Variants in ZFHX3 observed in about 807,000 individuals in gnomAD.
ZFHX3 encodes zinc finger homeobox 3, also known as zinc finger homeobox protein 3.
ZFHX3 carries 42 observed loss-of-function variants against 279.1 expected under a neutral mutation model. That is an observed-to-expected ratio of 0.15 (90% CI 0.12 to 0.19). The LOEUF (loss-of-function observed/expected upper bound fraction) is 0.19, where lower values mean the gene tolerates loss of function less well. Among genes scored for constraint, ZFHX3 ranks in the 10% least tolerant of loss-of-function variants. ZFHX3 has a pLI of 1.00. For missense variants in ZFHX3, 4,981 were observed against 4,754.0 expected (o/e 1.05, Z -1.40); for synonymous variants, 2,293 against 1,957.8 (o/e 1.17, Z -4.52).
chr16:73,162,760 C>T (rs4788495), intron 5 of ZFHX3, among the ~76,000 whole-genome samples: 94,722 of 151,960 alleles, frequency 0.62, 30,697 homozygotes, highest in African/African-American at 0.8. Context: ...CTCTTAACCC[C>T]GGAATGTCGA....
intron 2 of ZFHX3, among the ~76,000 whole-genome samples, chr16:73,657,765 G>A (rs1277057841): frequency 6.6e-6 from 1 of 152,104 alleles, no homozygotes; most frequent in Non-Finnish European, 1.5e-5. Context: ...CATCCATGTT[G>A]CATGTGTCAG....
rs532135697 is a variant in ZFHX3 at position 72,886,459 on chromosome 16, C to T, written c.3448+3272G>A. On this transcript the variant is annotated intron_variant, in intron 4 of 9. Coordinates refer to ENST00000268489, the MANE Select transcript of ZFHX3 (RefSeq NM_006885.4). Reference sequence around the variant, plus strand: ...AGGCACTGGTGCCGGGCTGCATCCACGGAAGCACTACATTCCAAAACAGGG... The same window carrying T: ...AGGCACTGGTGCCGGGCTGCATCCATGGAAGCACTACATTCCAAAACAGGG... Among the ~76,000 whole-genome samples the T allele has an allele frequency of 1.2e-4, 18 of 152,228 alleles. No individual in the cohort carries two copies. The East Asian group carries it at 1.7e-3, about 15-fold the overall frequency.
rs938848556 is a variant in ZFHX3, at chr16:72,792,554, C to T, written c.9427+701G>A. 6.6e-5 allele frequency among the ~76,000 whole-genome samples: 10 copies of T among 152,178 alleles called. No individual in the cohort carries two copies. The East Asian group carries it at 1.3e-3, about 21-fold the overall frequency. ...CCACTGTCTGCCTCCAGGGTTCAAG[C>T]GATTCTCCTGCCTCAGCCTCCCGAA... On this transcript the variant is annotated intron_variant, in intron 9 of 9. Coordinates refer to ENST00000268489, the MANE Select transcript of ZFHX3 (RefSeq NM_006885.4).
intron 1 of ZFHX3, among the ~76,000 whole-genome samples, chr16:73,822,561 C>A (rs956632346): frequency 6.6e-6 from 1 of 151,748 alleles, no homozygotes; most frequent in East Asian, 1.9e-4. Context: ...TAATGCTTTA[C>A]TCTTAGTTGC....
At chr16:73,786,342 G>T (rs555396730) in intron 1 of ZFHX3, among the ~76,000 whole-genome samples, 2 of 152,020 alleles carry the variant, frequency 1.3e-5, no homozygotes, top group East Asian at 3.9e-4. Context: ...TTGTCATAAA[G>T]TTTCCCTCAA....
At chr16:73,354,307 TG>T (rs2016297745) in intron 3 of ZFHX3, among the ~76,000 whole-genome samples, 1 of 152,264 alleles carries the variant, frequency 6.6e-6, no homozygotes, top group Non-Finnish European at 1.5e-5. Context: ...AGTTTTAAGC[TG>T]GCAGGAACTT....
intron 5 of ZFHX3, among the ~76,000 whole-genome samples, chr16:73,180,703 C>T (rs1376787192): frequency 4.6e-5 from 7 of 152,076 alleles, no homozygotes; most frequent in African/African-American, 1.7e-4. Context: ...CACTCTATAG[C>T]CCAGGCTGGA....
At chr16:73,218,232 T>A (rs539554190) in intron 5 of ZFHX3, among the ~76,000 whole-genome samples, 1 of 152,194 alleles carries the variant, frequency 6.6e-6, no homozygotes, top group East Asian at 1.9e-4. Flanking sequence ...CATGCCTAAA[T>A]AAGAAAAAGG....
At position 73,237,206 on chromosome 16, in the gene ZFHX3, A is replaced by C. The variant is rs1471917640; in HGVS notation, c.-1104+19841T>G. On this transcript the variant is annotated intron_variant, in intron 5 of 17. Transcript: ENST00000641206. ...ATTTTAGTATTTTTCATAGGTTCTTATAAAAAACATCCTCTTTAGAACCCG... is the reference window on the plus strand; with the variant it reads ...ATTTTAGTATTTTTCATAGGTTCTTCTAAAAAACATCCTCTTTAGAACCCG... Among the ~76,000 whole-genome samples the C allele has an allele frequency of 1.3e-5, 2 of 152,176 alleles. 1 individual carries two copies. The highest frequency in any genetic ancestry group is 6.3e-3 in the Middle Eastern group (2 of 316).
At chr16:73,634,872 A>G (rs77825338) in intron 2 of ZFHX3, among the ~76,000 whole-genome samples, 2,288 of 152,178 alleles carry the variant, frequency 0.015, 51 homozygotes, top group African/African-American at 0.052. Context: ...TTAACTGAAA[A>G]GAGAGGTGTT....
Position 72,814,363 on chromosome 16 carries a change from A to G in ZFHX3, c.3530-2325T>C, listed in dbSNP as rs770692232. 1.2e-4 allele frequency among the ~76,000 whole-genome samples: 19 copies of G among 152,162 alleles called. No homozygotes were observed. The South Asian group carries it at 1.4e-3, about 12-fold the overall frequency. Reference sequence around the variant, plus strand: ...CTGCCCCCTACTATGGAATGAGTCAATTGTGCACTTGCTCAATAGTGTGGA... The same window carrying G: ...CTGCCCCCTACTATGGAATGAGTCAGTTGTGCACTTGCTCAATAGTGTGGA... On this transcript the variant is annotated intron_variant, in intron 5 of 9. Transcript: ENST00000268489.
intron 2 of ZFHX3, among the ~76,000 whole-genome samples, chr16:73,663,406 C>T (rs938458469): frequency 1.3e-5 from 2 of 152,224 alleles, no homozygotes; most frequent in African/African-American, 4.8e-5. Flanking sequence ...ACTCCCCACC[C>T]TGCAGGTCTT....
intron 5 of ZFHX3, among the ~76,000 whole-genome samples, chr16:73,217,018 A>G (rs556142904): frequency 6.6e-6 from 1 of 152,220 alleles, no homozygotes; most frequent in African/African-American, 2.4e-5. Flanking sequence ...TCTAATGTTG[A>G]CCCACTGCCA....
chr16:73,875,471 ATAT>A (rs1229424490), intron 1 of ZFHX3, among the ~76,000 whole-genome samples: 4 of 152,088 alleles, frequency 2.6e-5, no homozygotes, highest in African/African-American at 4.8e-5. Flanking sequence ...GCATATAAAA[ATAT>A]TATTATTTCT....
At chr16:73,405,617 C>G (rs2017344101) in intron 3 of ZFHX3, among the ~76,000 whole-genome samples, 1 of 150,646 alleles carries the variant, frequency 6.6e-6, no homozygotes, top group Non-Finnish European at 1.5e-5. Context: ...GAAATAAAAA[C>G]TAACTCCAAG....
At chr16:72,993,010 G>A (rs764882264) in intron 1 of ZFHX3, among the ~76,000 whole-genome samples, 16 of 152,224 alleles carry the variant, frequency 1.1e-4, no homozygotes, top group East Asian at 1.9e-4. Context: ...GGCGCTAGGC[G>A]CCTGTAATCC....
chr16:73,330,839 GA>G (rs746883658), intron 3 of ZFHX3, among the ~76,000 whole-genome samples: 19 of 152,286 alleles, frequency 1.2e-4, no homozygotes, highest in Non-Finnish European at 2.5e-4. Context: ...TGTCCTTTCT[GA>G]AAGGAAGAGT....
intron 2 of ZFHX3, among the ~76,000 whole-genome samples, chr16:73,636,887 G>C (rs1367558086): frequency 1.3e-5 from 2 of 151,978 alleles, no homozygotes; most frequent in African/African-American, 4.8e-5. Context: ...GTTTATTTGG[G>C]CTAGGGGTAG....
At chr16:72,891,127 A>T (rs542751892) in intron 3 of ZFHX3, among the ~76,000 whole-genome samples, 1 of 152,362 alleles carries the variant, frequency 6.6e-6, no homozygotes, top group Non-Finnish European at 1.5e-5. Flanking sequence ...AAAATGCCAG[A>T]AAAATAAATT....
Sources: gnomAD v4.1 joint callset for allele counts (sites outside exome capture counted in the v4.1 genomes callset) on GRCh38, gnomAD v4.1.1 for gene constraint, MANE v1.5 for transcripts, NCBI Gene and HGNC (gene_info 2026-07-23, HGNC 2026-07-21) for gene names.